The following MYRIP variants were observed in gnomAD, a reference collection of about 807,000 sequenced individuals.
The protein encoded by MYRIP is myosin VIIA and Rab interacting protein.
In MYRIP, 49 loss-of-function variants were observed where a neutral mutation model predicts 98.0. The ratio of observed to expected loss-of-function variants is 0.50; its 90% confidence interval spans 0.40 to 0.63. The LOEUF (loss-of-function observed/expected upper bound fraction) is 0.63. Among genes scored for constraint, MYRIP ranks in the 30% least tolerant of loss-of-function variants. MYRIP has a pLI of 0.00. For missense variants in MYRIP, 1,004 were observed against 1,058.2 expected (o/e 0.95, Z 0.71); for synonymous variants, 404 against 409.5 (o/e 0.99, Z 0.16).
intron 2 of MYRIP, among the ~76,000 whole-genome samples, chr3:39,963,891 G>A (rs971467593): frequency 5.9e-5 from 9 of 152,150 alleles, no homozygotes; most frequent in South Asian, 2.1e-4. Context: ...CTAAGTTTAC[G>A]TTTCAGATTG....
intron 7 of MYRIP, among the ~76,000 whole-genome samples, chr3:40,169,117 G>A (rs548454168): frequency 3.5e-4 from 53 of 152,298 alleles, no homozygotes; most frequent in Admixed American, 9.8e-4. Flanking sequence ...AGAGGGACAG[G>A]GAGGCAGCAC....
intron 2 of MYRIP, among the ~76,000 whole-genome samples, chr3:39,929,558 A>T (rs2125698539): frequency 6.6e-6 from 1 of 152,240 alleles, no homozygotes; most frequent in East Asian, 1.9e-4. Flanking sequence ...AATAGAATGC[A>T]GAAATAGGCC....
intron 1 of MYRIP, among the ~76,000 whole-genome samples, chr3:39,815,400 T>C (rs542352177): frequency 3.4e-5 from 5 of 148,936 alleles, no homozygotes; most frequent in African/African-American, 1.3e-4. Context: ...ATCATATATA[T>C]GTGTGTGTGT....
intron 10 of MYRIP, among the ~76,000 whole-genome samples, chr3:40,201,872 G>A (rs979097882): frequency 6.6e-6 from 1 of 152,122 alleles, no homozygotes; most frequent in East Asian, 1.9e-4. Context: ...CATTGGAAAA[G>A]GGAAAACTTC....
chr3:40,018,752 G>T (rs1946925100), intron 2 of MYRIP, among the ~76,000 whole-genome samples: 1 of 152,116 alleles, frequency 6.6e-6, no homozygotes, highest in Non-Finnish European at 1.5e-5. Flanking sequence ...ACTCCAAAAA[G>T]AGGTTACTTC....
At chr3:40,107,489 G>C (rs1447758942) in intron 3 of MYRIP, among the ~76,000 whole-genome samples, 3 of 152,202 alleles carry the variant, frequency 2.0e-5, no homozygotes, top group African/African-American at 7.2e-5. Flanking sequence ...GGGACTATGA[G>C]AGCATAGAGG....
chr3:40,229,480 C>T (rs1265169389), intron 11 of MYRIP, among the ~76,000 whole-genome samples: 3 of 152,152 alleles, frequency 2.0e-5, no homozygotes, highest in East Asian at 3.8e-4. Flanking sequence ...AAATGACTGT[C>T]GTAAAGGCCT....
chr3:39,973,368 T>C (rs1945651939), intron 2 of MYRIP, among the ~76,000 whole-genome samples: 1 of 152,134 alleles, frequency 6.6e-6, no homozygotes, highest in Non-Finnish European at 1.5e-5. Context: ...TAAATATATA[T>C]GCACCCAATA....
At chr3:40,183,558 G>A (rs965824859) in intron 9 of MYRIP, among the ~76,000 whole-genome samples, 5 of 152,184 alleles carry the variant, frequency 3.3e-5, no homozygotes, top group African/African-American at 7.2e-5. Context: ...TGTGGGTGAC[G>A]GCCGAGGGCC....
intron 8 of MYRIP, chr3:40,173,935 A>G (rs1023302503): frequency 1.3e-5 from 2 of 152,230 alleles, no homozygotes; most frequent in Non-Finnish European, 2.9e-5. Context: ...TTTTTGAAGC[A>G]AATAGAAGAA....
chr3:39,889,922 A>G (rs1326596305), intron 1 of MYRIP, among the ~76,000 whole-genome samples: 1 of 152,132 alleles, frequency 6.6e-6, no homozygotes, highest in Non-Finnish European at 1.5e-5. Context: ...TACAATCCAC[A>G]CCAGGATAAT....
At chr3:39,910,464 G>C (rs1296697447) in intron 2 of MYRIP, among the ~76,000 whole-genome samples, 1 of 152,196 alleles carries the variant, frequency 6.6e-6, no homozygotes, top group African/African-American at 2.4e-5. Flanking sequence ...AAGTGGTAGG[G>C]TTTAAGTCAG....
At chr3:40,131,674 A>G (rs962655386) in intron 3 of MYRIP, among the ~76,000 whole-genome samples, 1 of 152,216 alleles carries the variant, frequency 6.6e-6, no homozygotes, top group African/African-American at 2.4e-5. Context: ...AAAGTTACCC[A>G]TAATACCACT....
chr3:40,254,336 T>A (rs1411269689), intron 16 of MYRIP, among the ~76,000 whole-genome samples: 1 of 151,994 alleles, frequency 6.6e-6, no homozygotes, highest in South Asian at 2.1e-4. Flanking sequence ...CATGCCTTTG[T>A]CTGGCTCAGT....
chr3:39,889,999 A>G (rs1299930908), intron 1 of MYRIP, among the ~76,000 whole-genome samples: 1 of 152,138 alleles, frequency 6.6e-6, no homozygotes, highest in African/African-American at 2.4e-5. Context: ...TTTTTTTTAA[A>G]AATCAGTTTT....
intron 3 of MYRIP, among the ~76,000 whole-genome samples, chr3:40,054,638 C>T (rs1270667052): frequency 6.6e-6 from 1 of 152,184 alleles, no homozygotes; most frequent in Non-Finnish European, 1.5e-5. Context: ...ATTCTTCCAG[C>T]AGTCTGCCTT....
chr3:40,240,876 G>A (rs1291468591), intron 12 of MYRIP, among the ~76,000 whole-genome samples: 4 of 152,116 alleles, frequency 2.6e-5, no homozygotes, highest in Non-Finnish European at 4.4e-5. Flanking sequence ...GTTAACTCAG[G>A]TGTGGGCAAG....
At chr3:40,000,438 C>T (rs962402928) in intron 2 of MYRIP, among the ~76,000 whole-genome samples, 3 of 152,124 alleles carry the variant, frequency 2.0e-5, no homozygotes, top group South Asian at 4.1e-4. Flanking sequence ...ATGTCATGGC[C>T]GATTTGTGTC....
intron 2 of MYRIP, among the ~76,000 whole-genome samples, chr3:39,956,411 C>A (rs1489803837): frequency 6.6e-6 from 1 of 152,160 alleles, no homozygotes. Context: ...AACTGAACAA[C>A]CTGCTCCTGA....
Sources: allele counts gnomAD v4.1 joint callset (sites outside exome capture counted in the v4.1 genomes callset), GRCh38; gene constraint gnomAD v4.1.1; transcripts MANE v1.5; gene names NCBI Gene and HGNC (gene_info 2026-07-23, HGNC 2026-07-21).